The following FBN2 variants were observed in gnomAD, a reference collection of about 807,000 sequenced individuals.
The protein encoded by FBN2 is fibrillin-2.
A neutral mutation model predicts 355.6 loss-of-function variants in FBN2; 105 were observed. That is an observed-to-expected ratio of 0.30 (90% CI 0.25 to 0.35). The LOEUF (loss-of-function observed/expected upper bound fraction) is 0.35, where lower values mean the gene tolerates loss of function less well. Among genes scored for constraint, FBN2 ranks in the 10% least tolerant of loss-of-function variants. The pLI is 1.00. For missense variants in FBN2, 3,280 were observed against 3,758.7 expected (o/e 0.87, Z 3.33); for synonymous variants, 1,350 against 1,301.2 (o/e 1.04, Z -0.81).
intron 37 of FBN2, 82 bp from the exon 38 acceptor site, chr5:128,312,035 G>A: frequency 1.1e-6 from 1 of 918,162 alleles, no homozygotes; most frequent in South Asian, 1.4e-5. Flanking sequence ...GCAAATGACA[G>A]GCTCAATATA....
At chr5:128,469,808 G>T (rs1314859484) in intron 5 of FBN2, among the ~76,000 whole-genome samples, 2 of 152,208 alleles carry the variant, frequency 1.3e-5, no homozygotes, top group Non-Finnish European at 2.9e-5. Flanking sequence ...CACTTATGAG[G>T]ATGGCTGATG....
intron 2 of FBN2, among the ~76,000 whole-genome samples, chr5:128,534,019 G>A (rs1756782140): frequency 6.6e-6 from 1 of 152,144 alleles, no homozygotes; most frequent in Admixed American, 6.5e-5. Context: ...AGAACTTGGA[G>A]AATTACAGTT....
At chr5:128,359,356 T>G (rs1289725383) in intron 19 of FBN2, among the ~76,000 whole-genome samples, 1 of 152,060 alleles carries the variant, frequency 6.6e-6, no homozygotes, top group African/African-American at 2.4e-5. Flanking sequence ...TGAAGAGAAC[T>G]GCTTCAGACA....
At position 128,288,414 on chromosome 5, in the gene FBN2, A is replaced by G. The variant is rs184843983; in HGVS notation, c.6757+24T>C. 2.4e-4 allele frequency: 382 copies of G among 1,612,758 alleles called. No individual in the cohort carries two copies. In the African/African-American group the frequency reaches 4.6e-3, roughly 19 times the overall value. On this transcript the variant is annotated intron_variant, in intron 53 of 64. Transcript: ENST00000262464. ...ACACTTTCTATGTCAAGAAGAAATA[A>G]TATTTAAGACAAAGATCACTTGCCT...
Position 128,349,438 on chromosome 5 carries a change from A to G in FBN2, c.2898T>C (p.Cys966=). ...TACTGTTGACACAGCGTCCATTTGG[A>G]CAAACGCCAGGGAACACCTCACACT... ...VNECEVFPGV[C]PNGRCVNSKG... Residue 966 remains cysteine, a synonymous_variant, in exon 23 of 65, where the codon TGT becomes TGC. Transcript: ENST00000262464. 6.2e-7 allele frequency: 1 copy of G among 1,614,054 alleles called. No homozygotes were observed.
chr5:128,401,854 T>A (rs1752806661), intron 8 of FBN2, among the ~76,000 whole-genome samples: 1 of 152,200 alleles, frequency 6.6e-6, no homozygotes, highest in South Asian at 2.1e-4. Flanking sequence ...GTAATACATG[T>A]ACTGAAGGAA....
At chr5:128,406,971 T>C (rs1752942213) in intron 8 of FBN2, among the ~76,000 whole-genome samples, 1 of 152,200 alleles carries the variant, frequency 6.6e-6, no homozygotes, top group African/African-American at 2.4e-5. Context: ...ATTTACCTAA[T>C]GCAAGATAGA....
In FBN2 at chr5:128,349,819, T is replaced by C. The variant is rs1376927689; in HGVS notation, c.2863+136A>G. 1.3e-5 allele frequency: 10 copies of C among 747,270 alleles called. No individual in the cohort carries two copies. The South Asian group carries it at 1.4e-4, about 11-fold the overall frequency. The allele number at this position is 747,270 out of a possible 1,614,324, so 46.3% of individuals were successfully genotyped here. On this transcript the variant is annotated intron_variant, in intron 22 of 64. Coordinates refer to ENST00000262464, the MANE Select transcript of FBN2 (RefSeq NM_001999.4). ...TAAGAGAATTATGCTAAAGCATTTGTTGATTACATCGAGTATTTTTATTGA... is the reference window on the plus strand; with the variant it reads ...TAAGAGAATTATGCTAAAGCATTTGCTGATTACATCGAGTATTTTTATTGA...
At chr5:128,353,462 G>A (rs2126926194) in intron 20 of FBN2, among the ~76,000 whole-genome samples, 1 of 152,310 alleles carries the variant, frequency 6.6e-6, no homozygotes, top group East Asian at 1.9e-4. Context: ...GGATAAAACT[G>A]TAGAGAAGCA....
intron 8 of FBN2, among the ~76,000 whole-genome samples, chr5:128,395,902 G>A (rs1244941542): frequency 3.3e-5 from 5 of 152,314 alleles, no homozygotes; most frequent in South Asian, 2.1e-4. Flanking sequence ...CTTGGATTTC[G>A]AGTGGAGGGT....
intron 24 of FBN2, 121 bp downstream of exon 24, chr5:128,345,236 C>G (rs1365197747): frequency 1.2e-5 from 10 of 848,108 alleles, no homozygotes; most frequent in Non-Finnish European, 2.0e-5. Flanking sequence ...GTCACAAAAC[C>G]TAAGTTTAAC....
intron 9 of FBN2, among the ~76,000 whole-genome samples, chr5:128,394,759 T>C (rs1752602048): frequency 6.6e-6 from 1 of 152,084 alleles, no homozygotes. Flanking sequence ...AAAACAAATA[T>C]GACTTGACTT....
At chr5:128,431,036 C>A (rs1222926300) in intron 7 of FBN2, among the ~76,000 whole-genome samples, 3 of 152,076 alleles carry the variant, frequency 2.0e-5, no homozygotes, top group Admixed American at 6.6e-5. Flanking sequence ...AATTTCATGT[C>A]TTCTAATTTC....
At chr5:128,316,277 T>C (rs1750198807) in intron 36 of FBN2, among the ~76,000 whole-genome samples, 1 of 152,230 alleles carries the variant, frequency 6.6e-6, no homozygotes, top group South Asian at 2.1e-4. Flanking sequence ...TTTTACTCTG[T>C]TGTATCCATT....
rs554505113 is a variant in FBN2, at chr5:128,508,001, G to A, written c.628+11272C>T. The stretch of plus-strand genomic sequence containing the variant: ...ATCACATCTTCTTGATTAACTGACC[G>A]CTTTATTATTATGAAATGGCCTTCT... On this transcript the variant is annotated intron_variant, in intron 5 of 64. Transcript: ENST00000262464. Among the ~76,000 whole-genome samples the A allele has an allele frequency of 6.6e-5, 10 of 151,942 alleles. No homozygotes were observed. In the South Asian group the frequency reaches 1.5e-3, roughly 22 times the overall value.
intron 19 of FBN2, among the ~76,000 whole-genome samples, chr5:128,360,078 C>T (rs1408908048): frequency 6.6e-6 from 1 of 152,066 alleles, no homozygotes; most frequent in Non-Finnish European, 1.5e-5. Flanking sequence ...TTCTAAGTTT[C>T]CTGAGATTTA....
In FBN2 at chr5:128,530,618, G is replaced by A. The variant is rs149305476; in HGVS notation, c.413C>T (p.Ser138Leu). 11 of 1,611,596 alleles carry A rather than the reference G, an allele frequency of 6.8e-6. No homozygotes were observed. Among genetic ancestry groups the A allele is most frequent in the African/African-American group, 5.3e-5 (4 of 74,866 alleles). ...NMCTCSSGQI[S>L]STCGSKSIQQ... ...ACTTGATTTTGATCCACAGGTTGAT[G>A]ATATTTGCCCACTGGAACAAGTACA... The change falls in exon 3 of 65, where the codon TCA becomes TTA. Residue 138 changes from serine (S) to leucine (L), a missense_variant. By Grantham distance (145) the Ser-to-Leu change is moderately radical. Transcript: ENST00000262464.
chr5:128,476,848 G>A (rs1011171881), intron 5 of FBN2, among the ~76,000 whole-genome samples: 20 of 152,174 alleles, frequency 1.3e-4, no homozygotes, highest in Non-Finnish European at 2.9e-4. Flanking sequence ...ATAGCTCCGT[G>A]AGGTTTCTAC....
Position 128,312,675 on chromosome 5 carries a change from G to C in FBN2, c.4838C>G (p.Ala1613Gly). ...RSSCCCSLGKAWGNPCETCPP... is the reference protein window; with the variant it reads ...RSSCCCSLGKGWGNPCETCPP... ...GCATGTCTCACAGGGGTTTCCCCAG[G>C]CCTTTCCCAGAGAGCAGCAGCATGA... The change falls in exon 37 of 65, where the codon GCC becomes GGC. Residue 1613 changes from alanine to glycine, a missense_variant. Ala to Gly is a moderately conservative substitution (Grantham distance 60). Around this residue, in one of 6 missense-constraint regions of FBN2, gnomAD observed 2,284 missense variants for 2,749.5 expected, o/e 0.83. Transcript: ENST00000262464. 7 of 1,613,852 alleles carry C rather than the reference G, an allele frequency of 4.3e-6. No individual in the cohort carries two copies. The highest frequency in any genetic ancestry group is 5.9e-6 in the Non-Finnish European group (7 of 1,179,986).
Sources: gnomAD v4.1 joint callset for allele counts (sites outside exome capture counted in the v4.1 genomes callset) on GRCh38, gnomAD v4.1.1 for gene constraint, gnomAD v4.1.1 regional missense constraint, MANE v1.5 for transcripts, NCBI Gene and HGNC (gene_info 2026-07-23, HGNC 2026-07-21) for gene names.